GALNT13: variants seen among roughly 807,000 people sequenced by gnomAD.
GALNT13 encodes the protein polypeptide N-acetylgalactosaminyltransferase 13, also known as UDP-GalNAc:polypeptide N-acetylgalactosaminyltransferase 13.
In GALNT13, 28 loss-of-function variants were observed where a neutral mutation model predicts 64.2. The ratio of observed to expected loss-of-function variants is 0.44; its 90% CI spans 0.32 to 0.60. GALNT13 has a LOEUF of 0.60. Among genes scored for constraint, GALNT13 ranks in the 20% least tolerant of loss-of-function variants. The pLI is 0.05. For synonymous variants in GALNT13, 214 were observed against 224.6 expected (o/e 0.95, Z 0.42); for missense variants, 577 against 669.8 (o/e 0.86, Z 1.53).
the GALNT13 span, among the ~76,000 whole-genome samples, chr2:153,275,429 C>T: frequency 6.6e-6 from 1 of 152,104 alleles, no homozygotes; most frequent in African/African-American, 2.4e-5. Flanking sequence ...TATAAAGAGG[C>T]TTGATGAAGG....
the GALNT13 span, among the ~76,000 whole-genome samples, chr2:153,807,647 T>A: frequency 2.0e-5 from 3 of 152,108 alleles, no homozygotes; most frequent in Admixed American, 6.6e-5. Context: ...ATCAGGTTGA[T>A]TATCCTCAAA....
intron 1 of GALNT13, among the ~76,000 whole-genome samples, chr2:153,889,420 T>A (rs988827775): frequency 1.3e-5 from 2 of 152,110 alleles, no homozygotes; most frequent in Middle Eastern, 3.4e-3. Context: ...TCTTTTATCC[T>A]TCCTCACCCC....
the GALNT13 span, among the ~76,000 whole-genome samples, chr2:153,316,669 C>A: frequency 2.8e-5 from 3 of 106,262 alleles, no homozygotes; most frequent in Admixed American, 1.8e-4. Flanking sequence ...ATTTGTACAA[C>A]GTGTTCACAG....
chr2:153,925,600 A>C (rs557327672), intron 2 of GALNT13, among the ~76,000 whole-genome samples: 2 of 150,066 alleles, frequency 1.3e-5, no homozygotes, highest in Admixed American at 1.3e-4. Context: ...GAGGAATGTC[A>C]ATGGTAGTTT....
the GALNT13 span, among the ~76,000 whole-genome samples, chr2:153,650,196 T>C: frequency 6.6e-6 from 1 of 152,210 alleles, no homozygotes; most frequent in African/African-American, 2.4e-5. Flanking sequence ...TCTTGTTGAA[T>C]TGATCCCTTT....
chr2:154,078,706 A>G (rs1009538640), intron 3 of GALNT13, among the ~76,000 whole-genome samples: 1 of 151,648 alleles, frequency 6.6e-6, no homozygotes, highest in African/African-American at 2.4e-5. Flanking sequence ...TTTCTGAACT[A>G]AAATATATAT....
At chr2:153,241,106 A>G in the GALNT13 span, among the ~76,000 whole-genome samples, 228 of 152,242 alleles carry the variant, frequency 1.5e-3, no homozygotes, top group African/African-American at 5.4e-3. Context: ...GTGTTTGTAT[A>G]TGTGGAGGGG....
intron 3 of GALNT13, among the ~76,000 whole-genome samples, chr2:153,980,033 G>T (rs1400776825): frequency 6.6e-6 from 1 of 152,142 alleles, no homozygotes; most frequent in East Asian, 1.9e-4. Flanking sequence ...AGACAGAATT[G>T]CATGTTGAAT....
chr2:154,456,140 CTTTTTTTGTTT>C, downstream of GALNT13, among the ~76,000 whole-genome samples: 1 of 41,124 alleles, frequency 2.4e-5, no homozygotes, highest in East Asian at 7.3e-4. Flanking sequence ...GATTACATGT[CTTTTTTTGTTT>C]TTTTTTTTTT....
At chr2:153,728,611 A>C in the GALNT13 span, among the ~76,000 whole-genome samples, 1,172 of 152,270 alleles carry the variant, frequency 7.7e-3, 15 homozygotes, top group African/African-American at 0.027. Context: ...AAACAAATCC[A>C]AAAGCTAGCA....
the GALNT13 span, among the ~76,000 whole-genome samples, chr2:153,808,465 C>G: frequency 6.6e-6 from 1 of 152,082 alleles, no homozygotes; most frequent in African/African-American, 2.4e-5. Flanking sequence ...TATTAGTTCT[C>G]CTTTTTGCTG....
chr2:154,270,394 A>G (rs2105921303), intron 8 of GALNT13, among the ~76,000 whole-genome samples: 1 of 152,068 alleles, frequency 6.6e-6, no homozygotes, highest in African/African-American at 2.4e-5. Flanking sequence ...TATTCATTTA[A>G]TTATTTCTTA....
intron 11 of GALNT13, among the ~76,000 whole-genome samples, chr2:154,417,629 GC>G (rs1171123841): frequency 1.6e-4 from 24 of 150,982 alleles, no homozygotes; most frequent in Non-Finnish European, 3.5e-4. Context: ...TCCTACCTCA[GC>G]CCCCCCGAGT....
rs558806461 is a variant in GALNT13, at chr2:154,102,039, C to T, written c.143-38298C>T. On this transcript the variant is annotated intron_variant, in intron 3 of 12. Transcript: ENST00000392825. ...TATGATTTTGATTTTTTAAAATTTA[C>T]CAAGACTTGCTTTATTGCCAGGTAT... Among the ~76,000 whole-genome samples, 4 of 152,130 alleles carry T rather than the reference C, an allele frequency of 2.6e-5. No individual in the cohort carries two copies. The East Asian group carries it at 7.7e-4, about 29-fold the overall frequency.
chr2:153,665,778 T>C, the GALNT13 span, among the ~76,000 whole-genome samples: 4 of 152,136 alleles, frequency 2.6e-5, no homozygotes, highest in Non-Finnish European at 5.9e-5. Flanking sequence ...TGCATGGAAC[T>C]CTGGAATCCT....
At chr2:153,979,463 A>G (rs1422197599) in intron 3 of GALNT13, among the ~76,000 whole-genome samples, 1 of 152,108 alleles carries the variant, frequency 6.6e-6, no homozygotes, top group Admixed American at 6.6e-5. Context: ...GGAGTTAAGG[A>G]TCTGAGATTA....
intron 3 of GALNT13, among the ~76,000 whole-genome samples, chr2:154,108,818 C>T (rs550783355): frequency 1.3e-5 from 2 of 152,114 alleles, no homozygotes; most frequent in African/African-American, 4.8e-5. Flanking sequence ...GGATATTCAG[C>T]TTTTCCAACA....
chr2:153,662,774 C>T, the GALNT13 span, among the ~76,000 whole-genome samples: 3 of 152,240 alleles, frequency 2.0e-5, no homozygotes, highest in Non-Finnish European at 4.4e-5. Flanking sequence ...GTGAATGAAG[C>T]AAACATGCTT....
At chr2:154,099,564 C>G (rs1404407532) in intron 3 of GALNT13, among the ~76,000 whole-genome samples, 1 of 152,020 alleles carries the variant, frequency 6.6e-6, no homozygotes, top group Non-Finnish European at 1.5e-5. Context: ...ACCATTAAGC[C>G]CTTAATCCAT....
Sources: allele counts gnomAD v4.1 joint callset (sites outside exome capture counted in the v4.1 genomes callset), GRCh38; gene constraint gnomAD v4.1.1; transcripts MANE v1.5; gene names NCBI Gene and HGNC (gene_info 2026-07-23, HGNC 2026-07-21).